Variants in GNPTAB observed in about 807,000 individuals in gnomAD.
The protein encoded by GNPTAB is N-acetylglucosamine-1-phosphotransferase subunits alpha/beta.
In GNPTAB, 92 loss-of-function variants were observed where a neutral mutation model predicts 136.6. The observed-to-expected ratio is 0.67, with a 90% CI of 0.57 to 0.80. GNPTAB has a LOEUF of 0.80. Among genes scored for constraint, GNPTAB ranks in the 30% least tolerant of loss-of-function variants. GNPTAB has a pLI of 0.00. For missense variants in GNPTAB, 1,343 were observed against 1,501.8 expected, an observed-to-expected ratio of 0.89 and a Z score of 1.75; for synonymous variants, 512 against 535.1, an observed-to-expected ratio of 0.96 and a Z score of 0.60.
rs143333669 is a variant in GNPTAB at position 101,760,097 on chromosome 12, A to C, written c.3182T>G (p.Leu1061Arg). Reference sequence around the variant, plus strand: ...ATTTAGCTGCGTGATATCAGCAGGAAGCATTTTTGAGCAATTTATTAGCAT... The same window carrying C: ...ATTTAGCTGCGTGATATCAGCAGGACGCATTTTTGAGCAATTTATTAGCAT... ...EHMLINCSKM[L>R]PADITQLNNI... The change falls in exon 16 of 21, where the codon CTT (leucine) becomes CGT (arginine). Residue 1061 changes from leucine (L) to arginine (R), a missense_variant. By Grantham distance (102) the Leu-to-Arg change is moderately radical. Transcript: ENST00000299314. 6.2e-7 allele frequency: 1 copy of C among 1,613,586 alleles called. No homozygotes were observed. Among genetic ancestry groups the C allele is most frequent in the East Asian group, 2.2e-5 (1 of 44,864 alleles).
At chr12:101,775,362 T>TTC (rs1173396390) in intron 7 of GNPTAB, among the ~76,000 whole-genome samples, 1 of 93,978 alleles carries the variant, frequency 1.1e-5, no homozygotes, top group African/African-American at 5.3e-5. Flanking sequence ...AGATCTTTTT[T>TTC]TTCTTTTTTT....
intron 7 of GNPTAB, among the ~76,000 whole-genome samples, chr12:101,772,468 G>A (rs960924829): frequency 6.6e-6 from 1 of 152,202 alleles, no homozygotes; most frequent in African/African-American, 2.4e-5. Context: ...TTCCCCTTAT[G>A]ATGTAGGCCA....
intron 1 of GNPTAB, among the ~76,000 whole-genome samples, chr12:101,801,559 A>AG (rs1869634331): frequency 6.9e-6 from 1 of 145,804 alleles, no homozygotes; most frequent in African/African-American, 2.7e-5. Flanking sequence ...AAAAAAAAAA[A>AG]AAAAAAAACT....
chr12:101,781,056 C>T (rs1953335561), intron 5 of GNPTAB, among the ~76,000 whole-genome samples: 1 of 152,180 alleles, frequency 6.6e-6, no homozygotes, highest in Non-Finnish European at 1.5e-5. Flanking sequence ...TGTATGTTAA[C>T]AGCAGGGGGC....
chr12:101,830,602 A>G lies in GNPTAB; in HGVS notation c.74T>C (p.Leu25Ser). 4 of 1,613,174 alleles carry G rather than the reference A, an allele frequency of 2.5e-6. No homozygotes were observed. Among genetic ancestry groups the G allele is most frequent in the Non-Finnish European group, 3.4e-6 (4 of 1,179,444 alleles). Residue 25 changes from leucine (L) to serine (S), a missense_variant, in exon 1 of 21, where the codon TTG becomes TCG. Transcript: ENST00000299314. ...SHRYGLYVCF[L>S]GVVVTIVSAF... The stretch of plus-strand genomic sequence containing the variant: ...GGAGACGATGGTGACAACGACGCCC[A>G]AGAAGCACACGTAGAGCCCATACCT...
intron 3 of GNPTAB, among the ~76,000 whole-genome samples, chr12:101,788,805 G>A (rs974244212): frequency 6.6e-6 from 1 of 152,198 alleles, no homozygotes; most frequent in Non-Finnish European, 1.5e-5. Context: ...ACCTGCACTG[G>A]GGTGCACTCT....
chr12:101,812,951 G>T (rs953564820), intron 1 of GNPTAB, among the ~76,000 whole-genome samples: 1 of 150,914 alleles, frequency 6.6e-6, no homozygotes, highest in Admixed American at 6.6e-5. Flanking sequence ...CTACAAACAT[G>T]TGCCACCATG....
At chr12:101,765,512 A>G in intron 12 of GNPTAB, 1 of 574,078 alleles carries the variant, frequency 1.7e-6, no homozygotes, top group Non-Finnish European at 3.1e-6. Context: ...GTAGGCACTG[A>G]GTTTTCACTT....
At chr12:101,767,167 G>A (rs1315289698) in intron 11 of GNPTAB, among the ~76,000 whole-genome samples, 1 of 151,992 alleles carries the variant, frequency 6.6e-6, no homozygotes, top group Non-Finnish European at 1.5e-5. Flanking sequence ...ATGGAAATGG[G>A]GATGATAACA....
At chr12:101,818,217 T>C (rs760229615) in intron 1 of GNPTAB, among the ~76,000 whole-genome samples, 1 of 152,100 alleles carries the variant, frequency 6.6e-6, no homozygotes, top group Non-Finnish European at 1.5e-5. Context: ...TACTCAGCCA[T>C]CTCCTTCCAG....
At chr12:101,761,378 A>G (rs1418445128) in intron 14 of GNPTAB, 32 bp from the exon 15 acceptor site, 1 of 1,591,932 alleles carries the variant, frequency 6.3e-7, no homozygotes, top group Admixed American at 1.7e-5. Context: ...CAAACTCTGG[A>G]TATTCAAAGT....
At chr12:101,757,765 G>GT (rs1387766283) in intron 16 of GNPTAB, 108 bp from the exon 17 acceptor site, 2 of 725,780 alleles carry the variant, frequency 2.8e-6, no homozygotes, top group Non-Finnish European at 5.0e-6. Flanking sequence ...CTCTCTGGAG[G>GT]TAAGAAAAAC....
intron 1 of GNPTAB, among the ~76,000 whole-genome samples, chr12:101,807,921 G>A (rs1870016676): frequency 6.6e-6 from 1 of 152,000 alleles, no homozygotes; most frequent in African/African-American, 2.4e-5. Context: ...ACATACAAAA[G>A]TCAAAAGTCA....
intron 17 of GNPTAB, 82 bp downstream of exon 17, chr12:101,757,489 CA>C (rs1952919077): frequency 1.2e-6 from 1 of 841,902 alleles, no homozygotes; most frequent in African/African-American, 1.7e-5. Context: ...GCTTAATAGA[CA>C]AAATATTGTA....
intron 7 of GNPTAB, chr12:101,778,281 G>A (rs1291132642): frequency 6.6e-6 from 1 of 152,096 alleles, no homozygotes; most frequent in African/African-American, 2.4e-5. Flanking sequence ...TGGAGAAGTG[G>A]AATGAACCTT....
At chr12:101,829,880 T>C (rs1423024101) in intron 1 of GNPTAB, among the ~76,000 whole-genome samples, 2 of 151,830 alleles carry the variant, frequency 1.3e-5, no homozygotes, top group African/African-American at 4.8e-5. Context: ...TTACAGTATT[T>C]ACAGACAGCA....
intron 1 of GNPTAB, among the ~76,000 whole-genome samples, chr12:101,826,042 T>C (rs534011711): frequency 1.3e-5 from 2 of 152,324 alleles, no homozygotes; most frequent in South Asian, 2.1e-4. Flanking sequence ...ATGAGTGAAC[T>C]AATCAAATAC....
chr12:101,757,206 C>T lies in GNPTAB; in HGVS notation c.3434+6G>A. ...ATAATTAAAAATTATATATAAAAAT[C>T]AGTACCTAGGGTTTTTTCTTATGTC... On this transcript the variant is annotated splice_donor_region_variant and intron_variant, in intron 18 of 20. Coordinates refer to ENST00000299314, the MANE Select transcript of GNPTAB (RefSeq NM_024312.5). The T allele has an allele frequency of 7.0e-7, 1 of 1,436,488 alleles. No individual in the cohort carries two copies. Among genetic ancestry groups the T allele is most frequent in the African/African-American group, 1.4e-5 (1 of 71,056 alleles). 89.0% of individuals were successfully genotyped at this position (1,436,488 alleles called of 1,614,324 possible).
At chr12:101,779,509 G>A (rs1026492756) in intron 7 of GNPTAB, 2 of 153,850 alleles carry the variant, frequency 1.3e-5, no homozygotes, top group Admixed American at 6.4e-5. Context: ...CTTAACAAGT[G>A]GCATCAATGG....
Sources: gnomAD v4.1 joint callset for allele counts (sites outside exome capture counted in the v4.1 genomes callset) on GRCh38, gnomAD v4.1.1 for gene constraint, MANE v1.5 for transcripts, NCBI Gene and HGNC (gene_info 2026-07-23, HGNC 2026-07-21) for gene names.